ATP6V1G3: variants seen among roughly 807,000 people sequenced by gnomAD.
The protein encoded by ATP6V1G3 is V-type proton ATPase subunit G 3.
A neutral mutation model predicts 9.3 loss-of-function variants in ATP6V1G3; 9 were observed. That is an observed-to-expected ratio of 0.97 (90% CI 0.59 to 1.69). ATP6V1G3 has a LOEUF of 1.69. Among genes scored for constraint, ATP6V1G3 ranks in the 40% most tolerant of loss-of-function variants. ATP6V1G3 has a pLI of 0.00. For synonymous variants in ATP6V1G3, 43 were observed against 43.8 expected, an observed-to-expected ratio of 0.98 and a Z score of 0.07; for missense variants, 133 against 139.0, an observed-to-expected ratio of 0.96 and a Z score of 0.22.
intron 1 of ATP6V1G3, among the ~76,000 whole-genome samples, chr1:198,538,536 A>T (rs941411641): frequency 6.6e-6 from 1 of 152,164 alleles, no homozygotes; most frequent in Admixed American, 6.6e-5. Flanking sequence ...ATAATGAGAA[A>T]GCAAAGGCAA....
At chr1:198,537,240 A>G (rs1660151760) in intron 1 of ATP6V1G3, among the ~76,000 whole-genome samples, 1 of 152,170 alleles carries the variant, frequency 6.6e-6, no homozygotes, top group Non-Finnish European at 1.5e-5. Context: ...CACTTAGACC[A>G]TATACTGTAT....
intron 1 of ATP6V1G3, 99 bp from the exon 2 acceptor site, chr1:198,529,280 A>G (rs978014550): frequency 3.3e-5 from 9 of 272,078 alleles, no homozygotes; most frequent in African/African-American, 1.6e-4. Flanking sequence ...TATATTAACA[A>G]CTGTACATAT....
chr1:198,524,598 C>T (rs1310843471), intron 2 of ATP6V1G3, among the ~76,000 whole-genome samples: 1 of 152,068 alleles, frequency 6.6e-6, no homozygotes, highest in Non-Finnish European at 1.5e-5. Flanking sequence ...TCTATTATCT[C>T]CTCTTTCCTC....
At chr1:198,526,360 G>T (rs1659651293) in intron 2 of ATP6V1G3, among the ~76,000 whole-genome samples, 1 of 152,232 alleles carries the variant, frequency 6.6e-6, no homozygotes, top group East Asian at 1.9e-4. Flanking sequence ...ATACACATTT[G>T]TATTGAGTAG....
chr1:198,540,390 C>T (rs1660297095), intron 1 of ATP6V1G3, among the ~76,000 whole-genome samples, 179 bp downstream of exon 1: 1 of 152,176 alleles, frequency 6.6e-6, no homozygotes, highest in African/African-American at 2.4e-5. Context: ...AAACTTCATC[C>T]CTGCTCTAGA....
At chr1:198,531,499 A>T (rs943050197) in intron 1 of ATP6V1G3, among the ~76,000 whole-genome samples, 4 of 152,178 alleles carry the variant, frequency 2.6e-5, no homozygotes, top group African/African-American at 7.2e-5. Context: ...TGGGAAAAGG[A>T]TTAATAAAAT....
rs1558173955 is a variant in ATP6V1G3, at chr1:198,523,378, C to G, written c.*13G>C. 3.7e-6 allele frequency: 6 copies of G among 1,604,538 alleles called. No homozygotes were observed. Among genetic ancestry groups the G allele is most frequent in the Non-Finnish European group, 5.1e-6 (6 of 1,176,088 alleles). ...CACACACCTTTTTTTTTCTTGAAAA[C>G]TGTGATGTACATTTAGTTGGTGGCT... On this transcript the variant is annotated 3_prime_UTR_variant, in exon 3 of 3. Coordinates refer to ENST00000367382, the MANE Select transcript of ATP6V1G3 (RefSeq NM_001376861.1).
intron 1 of ATP6V1G3, among the ~76,000 whole-genome samples, chr1:198,531,140 G>A (rs938533935): frequency 1.1e-4 from 17 of 152,128 alleles, no homozygotes; most frequent in African/African-American, 3.9e-4. Context: ...CATGGCACCA[G>A]TCACCTGCTG....
intron 2 of ATP6V1G3, among the ~76,000 whole-genome samples, chr1:198,527,072 A>G (rs571679041): frequency 1.6e-3 from 237 of 152,298 alleles, no homozygotes; most frequent in Non-Finnish European, 1.7e-3. Flanking sequence ...AGAGCTAAAA[A>G]GCAACAAAAA....
chr1:198,524,206 C>A (rs1473746492), intron 2 of ATP6V1G3, among the ~76,000 whole-genome samples: 3 of 151,324 alleles, frequency 2.0e-5, no homozygotes, highest in African/African-American at 7.3e-5. Context: ...CTCACTGCAA[C>A]CTTCGCCTCC....
chr1:198,531,328 C>T (rs1659890074), intron 1 of ATP6V1G3, among the ~76,000 whole-genome samples: 1 of 152,160 alleles, frequency 6.6e-6, no homozygotes, highest in Non-Finnish European at 1.5e-5. Context: ...ACAAAATGCA[C>T]ACTTCAAATC....
At chr1:198,540,732 C>T, upstream of ATP6V1G3, 1 of 1,376,232 alleles carries the variant, frequency 7.3e-7, no homozygotes, top group Non-Finnish European at 1.0e-6. Flanking sequence ...TAACATATAA[C>T]TCAGATTATT....
intron 2 of ATP6V1G3, among the ~76,000 whole-genome samples, chr1:198,528,722 A>G (rs562728748): frequency 6.6e-6 from 1 of 152,214 alleles, no homozygotes; most frequent in African/African-American, 2.4e-5. Flanking sequence ...ATATATTTAT[A>G]TAAAAACATG....
At chr1:198,535,872 C>T (rs906163809) in intron 1 of ATP6V1G3, among the ~76,000 whole-genome samples, 29 of 152,084 alleles carry the variant, frequency 1.9e-4, no homozygotes, top group Non-Finnish European at 1.8e-4. Flanking sequence ...TGAGTACTGA[C>T]CATACTATTT....
At chr1:198,534,278 G>T (rs1457940688) in intron 1 of ATP6V1G3, among the ~76,000 whole-genome samples, 1 of 152,078 alleles carries the variant, frequency 6.6e-6, no homozygotes, top group Non-Finnish European at 1.5e-5. Flanking sequence ...GAATACAGAG[G>T]CACAGAGTCA....
upstream of ATP6V1G3, chr1:198,540,748 A>G (rs1571723679): frequency 4.8e-6 from 6 of 1,261,744 alleles, no homozygotes; most frequent in Middle Eastern, 9.5e-4. Flanking sequence ...TTATTGTGTC[A>G]ACAGCAAGTT....
chr1:198,536,844 CTA>C lies in ATP6V1G3; in HGVS notation c.82+3723_82+3724del. 5 of 795,108 alleles carry C rather than the reference CTA, an allele frequency of 6.3e-6. No individual in the cohort carries two copies. In the South Asian group the frequency reaches 7.2e-5, roughly 11 times the overall value. The allele number at this position is 795,108 out of a possible 1,614,324, so 49.3% of individuals were successfully genotyped here. ...ACATATATTAAAAATAAAAATAACT[CTA>C]GTGTGTATTTTGCTTTACTATCTTA... On this transcript the variant is annotated intron_variant, in intron 1 of 2. Transcript: ENST00000367382.
At chr1:198,523,669 G>T in intron 2 of ATP6V1G3, 105 bp from the exon 3 acceptor site, 1 of 1,041,942 alleles carries the variant, frequency 9.6e-7, no homozygotes, top group Non-Finnish European at 1.3e-6. Flanking sequence ...GCACAATTAT[G>T]TACTCCTTTT....
chr1:198,530,873 T>C (rs1452820119), intron 1 of ATP6V1G3, among the ~76,000 whole-genome samples: 1 of 152,150 alleles, frequency 6.6e-6, no homozygotes, highest in South Asian at 2.1e-4. Flanking sequence ...TGTATTGATT[T>C]TTTTTAGTAA....
Sources: allele counts gnomAD v4.1 joint callset (sites outside exome capture counted in the v4.1 genomes callset), GRCh38; gene constraint gnomAD v4.1.1; transcripts MANE v1.5; gene names NCBI Gene and HGNC (gene_info 2026-07-23, HGNC 2026-07-21).